Variants in BCKDHB observed in about 807,000 individuals in gnomAD.
BCKDHB encodes the protein 2-oxoisovalerate dehydrogenase subunit beta, mitochondrial.
Under a neutral mutation model 48.5 loss-of-function variants are expected in BCKDHB, and 41 were observed. The ratio of observed to expected loss-of-function variants is 0.85; its 90% CI spans 0.66 to 1.10. The LOEUF (loss-of-function observed/expected upper bound fraction) is 1.10, where lower values mean the gene tolerates loss of function less well. Ranked by LOEUF, BCKDHB falls within the 50% of genes least tolerant of loss-of-function variation. The pLI is 0.00. For synonymous variants in BCKDHB, 201 were observed against 174.8 expected, an observed-to-expected ratio of 1.15 and a Z score of -1.18; for missense variants, 496 against 494.2, an observed-to-expected ratio of 1.00 and a Z score of -0.03.
chr6:80,161,006 C>G (rs893037550), intron 3 of BCKDHB, among the ~76,000 whole-genome samples: 4 of 151,728 alleles, frequency 2.6e-5, no homozygotes, highest in Non-Finnish European at 5.9e-5. Context: ...CTTTTTTTTG[C>G]CCAATCAAAG....
At chr6:80,316,570 T>A (rs1768456332) in intron 9 of BCKDHB, among the ~76,000 whole-genome samples, 1 of 152,198 alleles carries the variant, frequency 6.6e-6, no homozygotes, top group Non-Finnish European at 1.5e-5. Flanking sequence ...ACCTTACTCT[T>A]AATAAATGGA....
At chr6:80,187,276 T>C (rs547660620) in intron 6 of BCKDHB, among the ~76,000 whole-genome samples, 3 of 152,342 alleles carry the variant, frequency 2.0e-5, no homozygotes, top group East Asian at 3.9e-4. Context: ...GCCTGACACA[T>C]AGTAAATGCT....
chr6:80,266,296 AC>A (rs1777510909), intron 8 of BCKDHB, among the ~76,000 whole-genome samples: 1 of 152,112 alleles, frequency 6.6e-6, no homozygotes, highest in Non-Finnish European at 1.5e-5. Flanking sequence ...TACAAAAACA[AC>A]CTGACAAGCA....
the BCKDHB span, among the ~76,000 whole-genome samples, chr6:80,383,637 C>G: frequency 9.9e-5 from 15 of 151,638 alleles, no homozygotes; most frequent in South Asian, 3.1e-3. Flanking sequence ...TCTTTTTTTT[C>G]AAAATATCCA....
At chr6:80,274,512 G>T (rs771359811) in intron 9 of BCKDHB, among the ~76,000 whole-genome samples, 1 of 151,906 alleles carries the variant, frequency 6.6e-6, no homozygotes, top group Non-Finnish European at 1.5e-5. Context: ...ACTGGAAAAA[G>T]AAACTGGATT....
the BCKDHB span, among the ~76,000 whole-genome samples, chr6:80,351,581 A>G: frequency 2.0e-5 from 3 of 151,568 alleles, no homozygotes; most frequent in Non-Finnish European, 1.5e-5. Context: ...GGTGACCAAA[A>G]TTGGGCCAAT....
At position 80,257,492 on chromosome 6, in the gene BCKDHB, T is replaced by G. The variant is rs1252652398; in HGVS notation, c.952-15643T>G. Among the ~76,000 whole-genome samples, 11 of 151,228 alleles carry G rather than the reference T, an allele frequency of 7.3e-5. No homozygotes were observed. The East Asian group carries it at 2.1e-3, about 29-fold the overall frequency. On this transcript the variant is annotated intron_variant, in intron 8 of 9. Transcript: ENST00000320393. ...TAAATAATGTAACAGTATAAGTATC[T>G]TGTTTGGGATAATACATATTATGTG...
intron 8 of BCKDHB, among the ~76,000 whole-genome samples, chr6:80,269,246 G>A (rs977835072): frequency 7.2e-5 from 11 of 152,094 alleles, no homozygotes; most frequent in African/African-American, 2.7e-4. Context: ...GAACAGGGAT[G>A]CCTTGATATA....
chr6:80,325,210 CTG>C (rs1316070958), intron 9 of BCKDHB, among the ~76,000 whole-genome samples: 2 of 152,118 alleles, frequency 1.3e-5, no homozygotes, highest in Admixed American at 1.3e-4. Flanking sequence ...AACTTAAACA[CTG>C]TAGCATATAG....
At chr6:80,238,148 A>G (rs1776222081) in intron 8 of BCKDHB, among the ~76,000 whole-genome samples, 1 of 152,060 alleles carries the variant, frequency 6.6e-6, no homozygotes, top group African/African-American at 2.4e-5. Flanking sequence ...CCCAGGCTGG[A>G]GTTCAGTGGC....
At chr6:80,259,512 A>C (rs1052898849) in intron 8 of BCKDHB, among the ~76,000 whole-genome samples, 1 of 152,214 alleles carries the variant, frequency 6.6e-6, no homozygotes, top group South Asian at 2.1e-4. Context: ...AAATGTGTGA[A>C]AAGGGTGCAT....
chr6:80,338,527 G>C (rs2223874), intron 9 of BCKDHB, among the ~76,000 whole-genome samples: 118,051 of 152,108 alleles, frequency 0.78, 46,184 homozygotes, highest in Admixed American at 0.84. Context: ...CCTCATACAG[G>C]CCTTACGTAT....
intron 8 of BCKDHB, among the ~76,000 whole-genome samples, chr6:80,221,174 C>T (rs543220697): frequency 4.6e-5 from 7 of 152,246 alleles, no homozygotes; most frequent in African/African-American, 1.7e-4. Context: ...CTCATGAGCT[C>T]ATCTTCTCTC....
intron 9 of BCKDHB, among the ~76,000 whole-genome samples, chr6:80,310,258 C>G (rs1037234359): frequency 3.3e-5 from 5 of 152,094 alleles, no homozygotes; most frequent in African/African-American, 1.2e-4. Context: ...TCCTCCAACC[C>G]AAAGCCCTGC....
chr6:80,348,404 G>A (rs1582607408), downstream of BCKDHB, among the ~76,000 whole-genome samples: 4 of 152,074 alleles, frequency 2.6e-5, no homozygotes, highest in East Asian at 1.9e-4. Context: ...CTAGCATCCC[G>A]GCCTCCAACT....
chr6:80,393,317 A>G, the BCKDHB span, among the ~76,000 whole-genome samples: 3 of 152,148 alleles, frequency 2.0e-5, no homozygotes, highest in South Asian at 2.1e-4. Context: ...TCCAAAATTC[A>G]TATCTTTAAA....
At chr6:80,290,745 A>C (rs1202439654) in intron 9 of BCKDHB, among the ~76,000 whole-genome samples, 1 of 152,234 alleles carries the variant, frequency 6.6e-6, no homozygotes, top group East Asian at 1.9e-4. Flanking sequence ...TTTATTAAGA[A>C]AGTAAAGGAA....
the BCKDHB span, among the ~76,000 whole-genome samples, chr6:80,370,155 T>C: frequency 6.6e-6 from 1 of 152,042 alleles, no homozygotes; most frequent in Admixed American, 6.6e-5. Context: ...GCAATAATAA[T>C]ATAGGCCTAT....
intron 9 of BCKDHB, among the ~76,000 whole-genome samples, chr6:80,316,634 C>G (rs1329045204): frequency 9.2e-5 from 14 of 152,082 alleles, no homozygotes; most frequent in Admixed American, 9.2e-4. Flanking sequence ...GGGCTTTATA[C>G]CAATAACTTT....
Sources: allele counts gnomAD v4.1 joint callset (sites outside exome capture counted in the v4.1 genomes callset), GRCh38; gene constraint gnomAD v4.1.1; transcripts MANE v1.5; gene names NCBI Gene and HGNC (gene_info 2026-07-23, HGNC 2026-07-21).